BMPR1B: variants seen among roughly 807,000 people sequenced by gnomAD.
BMPR1B encodes bone morphogenetic protein receptor type-1B.
Under a neutral mutation model 59.1 loss-of-function variants are expected in BMPR1B, and 12 were observed. The ratio of observed to expected loss-of-function variants is 0.20; its 90% CI spans 0.13 to 0.33. The LOEUF is 0.33. BMPR1B is among the 10% of genes least tolerant of loss of function. BMPR1B has a pLI of 1.00. For synonymous variants in BMPR1B, 237 were observed against 207.3 expected, an observed-to-expected ratio of 1.14 and a Z score of -1.23; for missense variants, 550 against 610.9, an observed-to-expected ratio of 0.90 and a Z score of 1.05.
intron 1 of BMPR1B, among the ~76,000 whole-genome samples, chr4:94,786,273 G>A (rs1304265631): frequency 6.6e-6 from 1 of 152,076 alleles, no homozygotes; most frequent in Non-Finnish European, 1.5e-5. Context: ...ATATGGAAAT[G>A]TCAGAGCTTC....
At chr4:94,905,480 AAAT>A (rs769306002) in intron 2 of BMPR1B, among the ~76,000 whole-genome samples, 1 of 151,950 alleles carries the variant, frequency 6.6e-6, no homozygotes, top group African/African-American at 2.4e-5. Flanking sequence ...AATCAGTGAA[AAAT>A]AATCTATATT....
At chr4:94,864,785 CTG>C (rs1269746550) in intron 1 of BMPR1B, among the ~76,000 whole-genome samples, 1 of 152,102 alleles carries the variant, frequency 6.6e-6, no homozygotes, top group Non-Finnish European at 1.5e-5. Context: ...GAAAAAAAGT[CTG>C]TACATGTTCA....
intron 3 of BMPR1B, among the ~76,000 whole-genome samples, chr4:95,091,957 A>G (rs531053959): frequency 7.3e-4 from 111 of 152,154 alleles, no homozygotes; most frequent in African/African-American, 2.4e-3. Flanking sequence ...CAACACTGTC[A>G]AGGTTAAAAT....
intron 3 of BMPR1B, chr4:94,996,468 A>G (rs1722064957): frequency 6.6e-6 from 1 of 152,188 alleles, no homozygotes; most frequent in African/African-American, 2.4e-5. Flanking sequence ...GTATTAAAAC[A>G]TTAGTGTCAG....
intron 2 of BMPR1B, among the ~76,000 whole-genome samples, chr4:94,890,037 C>G (rs906852443): frequency 6.6e-6 from 1 of 152,002 alleles, no homozygotes; most frequent in African/African-American, 2.4e-5. Context: ...CTAGCAAGTG[C>G]GTTTTGCTGT....
intron 1 of BMPR1B, among the ~76,000 whole-genome samples, chr4:94,829,350 C>T (rs187272139): frequency 0.015 from 2,117 of 139,808 alleles, 24 homozygotes; most frequent in Non-Finnish European, 0.022. Flanking sequence ...TTTTGGGACA[C>T]TGCAGCTTCG....
intron 1 of BMPR1B, among the ~76,000 whole-genome samples, chr4:94,855,203 A>G (rs186294515): frequency 1.6e-3 from 239 of 152,306 alleles, no homozygotes; most frequent in African/African-American, 5.5e-3. Context: ...AACACCAAAC[A>G]TTTATAGAGC....
At chr4:95,129,823 G>A (rs759331509) in intron 8 of BMPR1B, 39 bp from the exon 9 acceptor site, 15 of 1,594,354 alleles carry the variant, frequency 9.4e-6, no homozygotes, top group East Asian at 6.7e-5. Context: ...AATCTGTAGC[G>A]CTGTGAATAC....
At chr4:94,857,496 T>TA (rs1725805935) in intron 1 of BMPR1B, among the ~76,000 whole-genome samples, 1 of 152,218 alleles carries the variant, frequency 6.6e-6, no homozygotes, top group Non-Finnish European at 1.5e-5. Flanking sequence ...TTTATGGCCT[T>TA]AAAATCATGG....
intron 1 of BMPR1B, among the ~76,000 whole-genome samples, chr4:94,767,517 A>ACAGCTT (rs1722014708): frequency 1.3e-5 from 2 of 152,160 alleles, no homozygotes; most frequent in Non-Finnish European, 2.9e-5. Context: ...TCCTTATTCA[A>ACAGCTT]CAGCTTTGAA....
intron 2 of BMPR1B, among the ~76,000 whole-genome samples, chr4:94,887,896 A>AGAGC (rs1727246120): frequency 6.6e-6 from 1 of 152,114 alleles, no homozygotes; most frequent in African/African-American, 2.4e-5. Flanking sequence ...ATATATTGAA[A>AGAGC]GAGCTTACAT....
intron 1 of BMPR1B, among the ~76,000 whole-genome samples, chr4:94,801,156 T>G (rs1364315681): frequency 6.6e-6 from 1 of 152,222 alleles, no homozygotes; most frequent in Non-Finnish European, 1.5e-5. Flanking sequence ...CCTTCCTGCC[T>G]TCTTGCCCTT....
chr4:94,759,136 C>CT (rs1560801985), intron 1 of BMPR1B, among the ~76,000 whole-genome samples: 1 of 152,194 alleles, frequency 6.6e-6, no homozygotes, highest in African/African-American at 2.4e-5. Context: ...CTGGGTCCTG[C>CT]TGTTTGTTCT....
chr4:95,049,346 T>G (rs1330183768), intron 3 of BMPR1B, among the ~76,000 whole-genome samples: 1 of 150,648 alleles, frequency 6.6e-6, no homozygotes, highest in East Asian at 2.0e-4. Flanking sequence ...ACTCCTGGCC[T>G]TAGGTGATCC....
intron 2 of BMPR1B, among the ~76,000 whole-genome samples, chr4:94,966,742 A>T (rs917401080): frequency 5.9e-5 from 9 of 151,642 alleles, no homozygotes; most frequent in South Asian, 2.1e-4. Flanking sequence ...CATGCCTGAA[A>T]TTTTTTTTTC....
intron 1 of BMPR1B, among the ~76,000 whole-genome samples, chr4:94,769,837 C>G (rs1414377862): frequency 6.6e-6 from 1 of 152,164 alleles, no homozygotes; most frequent in African/African-American, 2.4e-5. Flanking sequence ...TCAAGTCCTC[C>G]TGATATCTTA....
intron 2 of BMPR1B, among the ~76,000 whole-genome samples, chr4:94,989,414 C>G (rs868539678): frequency 1.2e-3 from 177 of 149,546 alleles, no homozygotes; most frequent in African/African-American, 4.1e-3. Context: ...CAAAAAAAAT[C>G]ATTCACTACT....
intron 1 of BMPR1B, among the ~76,000 whole-genome samples, chr4:94,867,849 C>T (rs759910654): frequency 4.6e-5 from 7 of 151,840 alleles, no homozygotes; most frequent in African/African-American, 7.3e-5. Flanking sequence ...TTAAGATCAC[C>T]GTTTCTTTTT....
chr4:95,049,069 C>T (rs1484157787), intron 3 of BMPR1B, among the ~76,000 whole-genome samples: 1 of 152,154 alleles, frequency 6.6e-6, no homozygotes, highest in Admixed American at 6.5e-5. Context: ...CACTCTCCCT[C>T]ACCTAGTTGG....
Sources: allele counts gnomAD v4.1 joint callset (sites outside exome capture counted in the v4.1 genomes callset), GRCh38; gene constraint gnomAD v4.1.1; transcripts MANE v1.5; gene names NCBI Gene and HGNC (gene_info 2026-07-23, HGNC 2026-07-21).